The following TBC1D1 variants were observed in gnomAD, a reference collection of about 807,000 sequenced individuals.
TBC1D1 encodes TBC1 (tre-2/USP6, BUB2, cdc16) domain family, member 1.
TBC1D1 carries 89 observed loss-of-function variants against 125.6 expected under a neutral mutation model. The ratio of observed to expected loss-of-function variants is 0.71; its 90% CI spans 0.60 to 0.85. The LOEUF (loss-of-function observed/expected upper bound fraction) is 0.85, where lower values mean the gene tolerates loss of function less well. Ranked by LOEUF, TBC1D1 falls within the 40% of genes least tolerant of loss-of-function variation. TBC1D1 has a pLI of 0.00. For synonymous variants in TBC1D1, 565 were observed against 564.1 expected (o/e 1.00, Z -0.02); for missense variants, 1,377 against 1,469.2 (o/e 0.94, Z 1.03).
intron 2 of TBC1D1, among the ~76,000 whole-genome samples, chr4:37,904,464 GA>G (rs1458396232): frequency 6.6e-6 from 1 of 152,206 alleles, no homozygotes; most frequent in Non-Finnish European, 1.5e-5. Context: ...TTTCCTTGGG[GA>G]GAGTTTGTGC....
intron 2 of TBC1D1, among the ~76,000 whole-genome samples, chr4:37,950,284 A>G (rs1453755202): frequency 1.3e-5 from 2 of 152,172 alleles, no homozygotes; most frequent in Admixed American, 6.5e-5. Flanking sequence ...GTATTGTCAC[A>G]GAACCTACTG....
At chr4:38,099,011 C>G (rs1476198640) in intron 14 of TBC1D1, among the ~76,000 whole-genome samples, 1 of 152,174 alleles carries the variant, frequency 6.6e-6, no homozygotes, top group Non-Finnish European at 1.5e-5. Context: ...CTAAAGATAT[C>G]TAGATAGAAC....
chr4:37,955,623 C>G (rs377467755), intron 2 of TBC1D1, among the ~76,000 whole-genome samples: 4 of 152,158 alleles, frequency 2.6e-5, no homozygotes, highest in African/African-American at 9.7e-5. Flanking sequence ...TTACAATCCA[C>G]GGTTGGTTGA....
chr4:38,020,800 C>G, intron 5 of TBC1D1, 105 bp downstream of exon 5: 1 of 861,314 alleles, frequency 1.2e-6, no homozygotes, highest in Admixed American at 2.2e-5. Flanking sequence ...ATTGACATAT[C>G]ATTATTTGTC....
In TBC1D1 at chr4:38,052,202, C is replaced by T. The variant is rs762057402; in HGVS notation, c.1911-1997C>T. The T allele has an allele frequency of 1.8e-3, 1,142 of 627,690 alleles. 5 individuals are homozygous for T. Among genetic ancestry groups the T allele is most frequent in the South Asian group, 4.4e-3 (171 of 38,852 alleles). The allele number at this position is 627,690 out of a possible 1,614,324, so 38.9% of individuals were successfully genotyped here. A position where few individuals can be genotyped will look rare whatever the true frequency, so the allele number is the denominator to read the frequency against. ...GTGTGTGTGTGTGTGTGTGCGCGCGCGTGTGTGTCTTTGTTTATATTTTGT... is the reference window on the plus strand; with the variant it reads ...GTGTGTGTGTGTGTGTGTGCGCGCGTGTGTGTGTCTTTGTTTATATTTTGT... On this transcript the variant is annotated intron_variant, in intron 11 of 19. Transcript: ENST00000261439.
At chr4:37,982,663 A>G (rs1434043078) in intron 2 of TBC1D1, among the ~76,000 whole-genome samples, 1 of 152,210 alleles carries the variant, frequency 6.6e-6, no homozygotes, top group Non-Finnish European at 1.5e-5. Flanking sequence ...AGAGATAGAA[A>G]TCCCACCTAA....
intron 2 of TBC1D1, among the ~76,000 whole-genome samples, chr4:37,924,034 G>A (rs1560483228): frequency 6.6e-6 from 1 of 152,082 alleles, no homozygotes. Flanking sequence ...GACTCACTGT[G>A]ATCGATCTTT....
chr4:38,119,891 A>G, intron 17 of TBC1D1: 2 of 947,492 alleles, frequency 2.1e-6, no homozygotes, highest in Non-Finnish European at 1.3e-6. Context: ...TCACTGAGTC[A>G]TCTCTGCCCT....
chr4:38,008,327 G>C (rs1421972720), intron 2 of TBC1D1, among the ~76,000 whole-genome samples: 1 of 152,114 alleles, frequency 6.6e-6, no homozygotes, highest in Non-Finnish European at 1.5e-5. Flanking sequence ...TACTTCTTTT[G>C]TGGTTTCATA....
intron 2 of TBC1D1, among the ~76,000 whole-genome samples, chr4:37,979,096 C>T (rs188728877): frequency 5.3e-5 from 8 of 152,282 alleles, no homozygotes; most frequent in Admixed American, 1.3e-4. Flanking sequence ...CGGCAGGTCT[C>T]GAACTCCTGG....
At chr4:37,906,436 C>T (rs1350217091) in intron 2 of TBC1D1, among the ~76,000 whole-genome samples, 1 of 152,208 alleles carries the variant, frequency 6.6e-6, no homozygotes, top group African/African-American at 2.4e-5. Flanking sequence ...ACATGAGCCA[C>T]CACACCTGGC....
At chr4:38,040,489 G>C (rs1375924462) in intron 8 of TBC1D1, among the ~76,000 whole-genome samples, 1 of 152,148 alleles carries the variant, frequency 6.6e-6, no homozygotes, top group African/African-American at 2.4e-5. Flanking sequence ...GGGTTTCACT[G>C]TGTTGGATGG....
At chr4:37,951,662 A>G (rs1727908469) in intron 2 of TBC1D1, among the ~76,000 whole-genome samples, 1 of 152,230 alleles carries the variant, frequency 6.6e-6, no homozygotes, top group Admixed American at 6.5e-5. Flanking sequence ...AGAGGCGGTG[A>G]CACTCAGCCA....
At chr4:38,118,337 G>C (rs1266169659) in intron 17 of TBC1D1, 145 bp downstream of exon 19, 1 of 1,030,710 alleles carries the variant, frequency 9.7e-7, no homozygotes, top group Non-Finnish European at 1.4e-6. Context: ...GATTAGTCAG[G>C]GGTGGGTTTT....
At position 38,115,907 on chromosome 4, in the gene TBC1D1, GAC is replaced by G. The variant is rs1324988070; in HGVS notation, c.2757_2758del (p.Met920GlyfsTer26). On this transcript the variant is annotated frameshift_variant, in exon 16 of 20. Transcript: ENST00000261439. LOFTEE classifies it high-confidence loss of function. ...TAAAATGCTCAAGTTTCTGATGTTT[GAC>G]ATGGGGCTGCGGAAACAGTATCGGC... 8 of 1,614,172 alleles carry G rather than the reference GAC, an allele frequency of 5.0e-6. No individual in the cohort carries two copies. Among genetic ancestry groups the G allele is most frequent in the Non-Finnish European group, 5.9e-6 (7 of 1,180,008 alleles).
chr4:38,101,063 AG>A (rs1368423029), intron 14 of TBC1D1, among the ~76,000 whole-genome samples: 2 of 152,164 alleles, frequency 1.3e-5, no homozygotes, highest in Non-Finnish European at 2.9e-5. Context: ...TTTCCCTTAG[AG>A]GGTTATGAGT....
At chr4:38,052,452 C>T (rs961929576) in intron 11 of TBC1D1, among the ~76,000 whole-genome samples, 1 of 151,482 alleles carries the variant, frequency 6.6e-6, no homozygotes, top group African/African-American at 2.4e-5. Context: ...CTGCCTCAGC[C>T]TCCCGAGTAG....
At chr4:38,046,646 C>G (rs1331444467) in intron 10 of TBC1D1, among the ~76,000 whole-genome samples, 1 of 152,156 alleles carries the variant, frequency 6.6e-6, no homozygotes, top group African/African-American at 2.4e-5. Context: ...CATTCTCCCC[C>G]ACTTGTGGGG....
At position 38,103,222 on chromosome 4, in the gene TBC1D1, A is replaced by T. The variant is rs377047549; in HGVS notation, c.2557+65A>T. On this transcript the variant is annotated intron_variant, in intron 15 of 19. Coordinates refer to ENST00000261439, the MANE Select transcript of TBC1D1 (RefSeq NM_015173.4). The stretch of plus-strand genomic sequence containing the variant: ...TCACTCACATGAAAAATCTGAAGAG[A>T]CTGTCCAAGTTATGTATTGACCTGC... 79 of 1,533,062 alleles carry T rather than the reference A, an allele frequency of 5.2e-5. No individual in the cohort carries two copies. The African/African-American group carries it at 7.6e-4, about 15-fold the overall frequency. The allele number at this position is 1,533,062 out of a possible 1,614,324, so 95.0% of individuals were successfully genotyped here.
Sources: allele counts gnomAD v4.1 joint callset (sites outside exome capture counted in the v4.1 genomes callset), GRCh38; gene constraint gnomAD v4.1.1; transcripts MANE v1.5; gene names NCBI Gene and HGNC (gene_info 2026-07-23, HGNC 2026-07-21).